Variants in CEP170 observed in about 807,000 individuals in gnomAD.
CEP170 encodes the protein centrosomal protein 170.
Under a neutral mutation model 151.9 loss-of-function variants are expected in CEP170, and 21 were observed. The ratio of observed to expected loss-of-function variants is 0.14; its 90% CI spans 0.10 to 0.20. CEP170 has a LOEUF of 0.20. CEP170 is among the 10% of genes least tolerant of loss of function. The pLI is 1.00. For missense variants in CEP170, 964 were observed against 1,892.9 expected (o/e 0.51, Z 9.11); for synonymous variants, 356 against 648.8 (o/e 0.55, Z 6.86).
At chr1:243,226,207 A>G (rs2063286482) in intron 1 of CEP170, among the ~76,000 whole-genome samples, 1 of 144,790 alleles carries the variant, frequency 6.9e-6, no homozygotes, top group African/African-American at 2.5e-5. Flanking sequence ...AGATATATAT[A>G]TATCTATAGA....
intron 13 of CEP170, among the ~76,000 whole-genome samples, chr1:243,158,532 CAGA>C (rs1283023059): frequency 2.6e-5 from 4 of 152,014 alleles, no homozygotes; most frequent in Non-Finnish European, 4.4e-5. Context: ...TACATGAAAG[CAGA>C]AGGAGAAATT....
chr1:243,171,684 A>C (rs538559797), intron 11 of CEP170, among the ~76,000 whole-genome samples: 84 of 152,266 alleles, frequency 5.5e-4, no homozygotes, highest in African/African-American at 1.9e-3. Context: ...TGAAATTCTA[A>C]TATCATTTCT....
chr1:243,186,444 A>C (rs2059941255), intron 8 of CEP170, 22 bp from the exon 9 acceptor site: 1 of 1,564,634 alleles, frequency 6.4e-7, no homozygotes, highest in African/African-American at 1.4e-5. Flanking sequence ...AAGAAAACAC[A>C]CAATAGAGAA....
chr1:243,170,840 GCCT>G (rs2058789183), intron 11 of CEP170, among the ~76,000 whole-genome samples: 1 of 152,190 alleles, frequency 6.6e-6, no homozygotes, highest in South Asian at 2.1e-4. Flanking sequence ...ATACAGTGAA[GCCT>G]CCTAAGGATA....
At chr1:243,180,913 G>A (rs6695718) in intron 10 of CEP170, among the ~76,000 whole-genome samples, 7,927 of 152,144 alleles carry the variant, frequency 0.052, 456 homozygotes, top group African/African-American at 0.15. Flanking sequence ...GCTTTGTAGG[G>A]GAGATATATT....
chr1:243,207,307 A>G (rs909937761), intron 4 of CEP170, among the ~76,000 whole-genome samples: 10 of 152,210 alleles, frequency 6.6e-5, no homozygotes, highest in Non-Finnish European at 1.3e-4. Flanking sequence ...AGGTCATTGC[A>G]TAATGATAGA....
chr1:243,137,267 T>G (rs2055202632), intron 16 of CEP170, among the ~76,000 whole-genome samples: 1 of 152,208 alleles, frequency 6.6e-6, no homozygotes, highest in South Asian at 2.1e-4. Context: ...AACTTGAGTC[T>G]AGCTGTGGGT....
chr1:243,198,157 A>G (rs554132578), intron 7 of CEP170, among the ~76,000 whole-genome samples: 1 of 152,122 alleles, frequency 6.6e-6, no homozygotes, highest in South Asian at 2.1e-4. Flanking sequence ...CCTGTACTTA[A>G]TTCCTCCAGT....
At chr1:243,175,805 GT>G (rs74162255) in intron 10 of CEP170, among the ~76,000 whole-genome samples, 128,698 of 151,558 alleles carry the variant, frequency 0.85, 54,747 homozygotes, top group East Asian at 0.94. Flanking sequence ...TTTCTTTTTT[GT>G]TTTTTTTTGA....
In CEP170 at chr1:243,126,264, CTAAA is replaced by C. The variant is rs2053687875; in HGVS notation, c.*181_*184del. On this transcript the variant is annotated 3_prime_UTR_variant, in exon 20 of 20. Transcript: ENST00000366542. The stretch of plus-strand genomic sequence containing the variant: ...TCCTATTTGTGCATCAAGTGGTTAT[CTAAA>C]TAGTTTGAAAGGATTGATATACTAC... 1.4e-6 allele frequency: 1 copy of C among 738,356 alleles called. No homozygotes were observed. The highest frequency in any genetic ancestry group is 2.4e-6 in the Non-Finnish European group (1 of 414,130). 45.7% of individuals were successfully genotyped at this position (738,356 alleles called of 1,614,324 possible).
chr1:243,159,655 T>C (rs2057877647), intron 13 of CEP170, among the ~76,000 whole-genome samples: 1 of 152,184 alleles, frequency 6.6e-6, no homozygotes, highest in South Asian at 2.1e-4. Context: ...AGAGAGGTCT[T>C]ACCTTGCTGA....
At chr1:243,252,310 G>T (rs919773641) in intron 1 of CEP170, among the ~76,000 whole-genome samples, 7 of 152,086 alleles carry the variant, frequency 4.6e-5, no homozygotes, top group African/African-American at 1.7e-4. Context: ...CCCAGTGTTT[G>T]GGACAGATAA....
intron 1 of CEP170, among the ~76,000 whole-genome samples, chr1:243,231,618 T>C (rs1174224023): frequency 6.6e-6 from 1 of 152,072 alleles, no homozygotes; most frequent in East Asian, 1.9e-4. Context: ...AATTGATATA[T>C]TCAAACTAGG....
At chr1:243,178,215 G>A (rs2059377458) in intron 10 of CEP170, among the ~76,000 whole-genome samples, 2 of 146,306 alleles carry the variant, frequency 1.4e-5, no homozygotes, top group African/African-American at 5.0e-5. Flanking sequence ...TGTAGTCCCA[G>A]CTACTAGCGA....
chr1:243,141,542 C>A (rs1319571548), intron 15 of CEP170, among the ~76,000 whole-genome samples: 8 of 152,314 alleles, frequency 5.3e-5, no homozygotes, highest in Non-Finnish European at 1.2e-4. Flanking sequence ...AGTTTGCCAA[C>A]CTCCAAACAC....
intron 1 of CEP170, among the ~76,000 whole-genome samples, chr1:243,246,931 T>G (rs2065461764): frequency 6.6e-6 from 1 of 152,210 alleles, no homozygotes; most frequent in Non-Finnish European, 1.5e-5. Context: ...ATAGTCCTAT[T>G]GCCTCAAAAA....
chr1:243,221,072 T>G (rs1453734134), intron 3 of CEP170, among the ~76,000 whole-genome samples: 1 of 152,198 alleles, frequency 6.6e-6, no homozygotes, highest in Admixed American at 6.5e-5. Flanking sequence ...TCGCCCAGGC[T>G]GGAGTGCAGT....
chr1:243,183,585 C>G (rs564076325), intron 10 of CEP170, among the ~76,000 whole-genome samples: 1 of 152,224 alleles, frequency 6.6e-6, no homozygotes, highest in Non-Finnish European at 1.5e-5. Context: ...TTAATTAGCC[C>G]GAATTTGGCT....
At chr1:243,131,767 TAGATTCAAAATAAGCTAA>T (rs1207903436) in intron 17 of CEP170, among the ~76,000 whole-genome samples, 3 of 152,322 alleles carry the variant, frequency 2.0e-5, no homozygotes, top group Middle Eastern at 3.4e-3. Context: ...GATTATATTA[TAGATTCAAAATAAGCTAA>T]ACTTCAGCAT....
Sources: allele counts gnomAD v4.1 joint callset (sites outside exome capture counted in the v4.1 genomes callset), GRCh38; gene constraint gnomAD v4.1.1; transcripts MANE v1.5; gene names NCBI Gene and HGNC (gene_info 2026-07-23, HGNC 2026-07-21).